GRIK1: variants seen among roughly 807,000 people sequenced by gnomAD.
GRIK1 encodes the protein glutamate ionotropic receptor kainate type subunit 1, also known as glutamate receptor ionotropic, kainate 1.
Under a neutral mutation model 105.7 loss-of-function variants are expected in GRIK1, and 69 were observed. The observed-to-expected ratio is 0.65, with a 90% confidence interval of 0.54 to 0.80. GRIK1 has a LOEUF of 0.80. GRIK1 is among the 30% of genes least tolerant of loss of function. The pLI is 0.00. For synonymous variants in GRIK1, 438 were observed against 431.3 expected (o/e 1.02, Z -0.19); for missense variants, 1,109 against 1,167.3 (o/e 0.95, Z 0.73).
intron 1 of GRIK1, among the ~76,000 whole-genome samples, chr21:29,824,399 C>A (rs192728362): frequency 8.1e-4 from 123 of 151,954 alleles, no homozygotes; most frequent in African/African-American, 2.8e-3. Context: ...TTTCATGAAG[C>A]TTACATTTCA....
intron 1 of GRIK1, among the ~76,000 whole-genome samples, chr21:29,858,416 A>G (rs2146080423): frequency 6.6e-6 from 1 of 152,084 alleles, no homozygotes; most frequent in Middle Eastern, 3.4e-3. Flanking sequence ...TCTCCCTGGA[A>G]CCTCTTAATG....
chr21:29,887,284 T>C (rs1249593475), intron 1 of GRIK1, among the ~76,000 whole-genome samples: 2 of 152,170 alleles, frequency 1.3e-5, no homozygotes, highest in Non-Finnish European at 2.9e-5. Context: ...ATGAAATAAG[T>C]GTCACTTACT....
intron 1 of GRIK1, among the ~76,000 whole-genome samples, chr21:29,744,725 T>C (rs2065009002): frequency 6.6e-6 from 1 of 152,210 alleles, no homozygotes; most frequent in Non-Finnish European, 1.5e-5. Flanking sequence ...TGTACTCCTA[T>C]AGTCCTTGGG....
At position 29,588,866 on chromosome 21, in the gene GRIK1, G is replaced by C; in HGVS notation, c.1542C>G (p.Asn514Lys). 6.2e-7 allele frequency: 1 copy of C among 1,601,496 alleles called. No homozygotes were observed. Among genetic ancestry groups the C allele is most frequent in the East Asian group, 2.2e-5 (1 of 44,810 alleles). The change falls in exon 11 of 18, where the codon AAC becomes AAG. Residue 514 changes from asparagine to lysine, a missense_variant. Coordinates refer to ENST00000327783, the MANE Select transcript of GRIK1 (RefSeq NM_001330994.2). ...GATCTATGAGTTCTTTAACCATCCC[G>C]TTCCACTCCCCTTTGTCATTCTGGG... ...YGAQNDKGEW[N>K]GMVKELIDHR...
At chr21:29,589,352 G>A (rs1211291490) in intron 10 of GRIK1, among the ~76,000 whole-genome samples, 1 of 152,060 alleles carries the variant, frequency 6.6e-6, no homozygotes, top group Non-Finnish European at 1.5e-5. Flanking sequence ...AGGCGCAAAG[G>A]GAAATGGGGG....
intron 1 of GRIK1, among the ~76,000 whole-genome samples, chr21:29,727,905 T>C (rs537115785): frequency 6.6e-6 from 1 of 152,300 alleles, no homozygotes; most frequent in African/African-American, 2.4e-5. Flanking sequence ...GAAAAGCCAG[T>C]CTGAGTCCAA....
At chr21:29,917,253 GC>G (rs1256847255) in intron 1 of GRIK1, among the ~76,000 whole-genome samples, 3 of 151,936 alleles carry the variant, frequency 2.0e-5, no homozygotes, top group Non-Finnish European at 4.4e-5. Context: ...GTTAAAATAT[GC>G]TTTTTACTCT....
chr21:29,885,320 C>T (rs2069572585), intron 1 of GRIK1, among the ~76,000 whole-genome samples: 1 of 152,098 alleles, frequency 6.6e-6, no homozygotes, highest in East Asian at 1.9e-4. Context: ...TAAATATAGG[C>T]ATATTAAAAG....
intron 7 of GRIK1, among the ~76,000 whole-genome samples, chr21:29,638,613 CAT>C (rs551870882): frequency 1.9e-3 from 296 of 152,210 alleles, no homozygotes; most frequent in African/African-American, 6.7e-3. Flanking sequence ...GTCAAAGAAA[CAT>C]AAATATTTAT....
chr21:29,553,738 A>T (rs987981704), intron 16 of GRIK1: 3 of 1,395,004 alleles, frequency 2.2e-6, no homozygotes, highest in Non-Finnish European at 2.9e-6. Context: ...AAAAATATAG[A>T]AAAATGAATA....
At chr21:29,891,342 G>T (rs75275236) in intron 1 of GRIK1, among the ~76,000 whole-genome samples, 1 of 152,150 alleles carries the variant, frequency 6.6e-6, no homozygotes, top group Non-Finnish European at 1.5e-5. Flanking sequence ...TGATTCAAAC[G>T]TGGAGAAGGG....
At chr21:29,796,340 A>G (rs938743889) in intron 1 of GRIK1, among the ~76,000 whole-genome samples, 2 of 152,168 alleles carry the variant, frequency 1.3e-5, no homozygotes, top group African/African-American at 2.4e-5. Context: ...AGACCAAAGT[A>G]AAATTTGGAG....
intron 1 of GRIK1, among the ~76,000 whole-genome samples, chr21:29,820,165 G>A (rs2067260611): frequency 6.6e-6 from 1 of 152,016 alleles, no homozygotes; most frequent in Admixed American, 6.6e-5. Context: ...GTCCCCATGG[G>A]ACACAACATT....
rs1388632448 is a variant in GRIK1 at position 29,582,222 on chromosome 21, G to C, written c.1794-679C>G. 3 of 404,706 alleles carry C rather than the reference G, an allele frequency of 7.4e-6. 1 individual carries two copies. Among genetic ancestry groups the C allele is most frequent in the Middle Eastern group, 8.1e-4 (2 of 2,482 alleles). The allele number at this position is 404,706 out of a possible 1,614,324, so 25.1% of individuals were successfully genotyped here. A position where few individuals can be genotyped will look rare whatever the true frequency, so the allele number is the denominator to read the frequency against. On this transcript the variant is annotated intron_variant, in intron 12 of 17. Transcript: ENST00000327783. ...GGAATTATACTGGTCCAGGCCTAGTGGTACACATTAGTATTAACTACATAG... is the reference window on the plus strand; with the variant it reads ...GGAATTATACTGGTCCAGGCCTAGTCGTACACATTAGTATTAACTACATAG...
chr21:29,611,111 C>G (rs7280021), intron 7 of GRIK1, among the ~76,000 whole-genome samples: 177 of 152,270 alleles, frequency 1.2e-3, no homozygotes, highest in African/African-American at 4.0e-3. Flanking sequence ...GACTGTATTT[C>G]GTTTCAAAGT....
intron 1 of GRIK1, among the ~76,000 whole-genome samples, chr21:29,744,521 A>G (rs967239074): frequency 1.3e-5 from 2 of 149,906 alleles, no homozygotes; most frequent in Non-Finnish European, 3.0e-5. Context: ...AATCCTTCCT[A>G]GTTGTCAAGC....
intron 1 of GRIK1, among the ~76,000 whole-genome samples, chr21:29,828,919 T>C (rs188732740): frequency 1.1e-4 from 17 of 152,290 alleles, no homozygotes; most frequent in African/African-American, 4.1e-4. Context: ...AACAGAGCGA[T>C]ATTCAAACCA....
chr21:29,606,018 CA>C (rs34512911), intron 7 of GRIK1, among the ~76,000 whole-genome samples: 14,057 of 127,954 alleles, frequency 0.11, 605 homozygotes, highest in East Asian at 0.14. Flanking sequence ...GAAAATGAAG[CA>C]AAAAAAAAAA....
intron 6 of GRIK1, 64 bp downstream of exon 6, chr21:29,651,054 T>A (rs562662444): frequency 8.4e-7 from 1 of 1,193,494 alleles, no homozygotes; most frequent in South Asian, 1.5e-5. Flanking sequence ...TAAAGATACG[T>A]GAGATCTTAA....
Sources: gnomAD v4.1 joint callset for allele counts (sites outside exome capture counted in the v4.1 genomes callset) on GRCh38, gnomAD v4.1.1 for gene constraint, MANE v1.5 for transcripts, NCBI Gene and HGNC (gene_info 2026-07-23, HGNC 2026-07-21) for gene names.